NINJ2: variants seen among roughly 807,000 people sequenced by gnomAD.
NINJ2 encodes ninjurin-2.
A neutral mutation model predicts 11.7 loss-of-function variants in NINJ2; 12 were observed. The observed-to-expected ratio is 1.02, with a 90% confidence interval of 0.66 to 1.66. The LOEUF (loss-of-function observed/expected upper bound fraction) is 1.66. Ranked by LOEUF, NINJ2 falls within the 40% of genes most tolerant of loss-of-function variation. The pLI is 0.00. For missense variants in NINJ2, 187 were observed against 181.8 expected (o/e 1.03, Z -0.16); for synonymous variants, 93 against 76.8 (o/e 1.21, Z -1.10).
At chr12:569,122 G>T (rs953518107) in intron 1 of NINJ2, among the ~76,000 whole-genome samples, 1 of 152,236 alleles carries the variant, frequency 6.6e-6, no homozygotes, top group Non-Finnish European at 1.5e-5. Context: ...GGAGGAGGTA[G>T]GGATGGAGGG....
intron 1 of NINJ2, among the ~76,000 whole-genome samples, chr12:575,712 T>C (rs1280952857): frequency 1.3e-5 from 2 of 152,184 alleles, no homozygotes; most frequent in Non-Finnish European, 2.9e-5. Flanking sequence ...CAATGAATGA[T>C]GATCGCATTG....
chr12:610,608 AG>A, intron 1 of NINJ2: 1 of 984,872 alleles, frequency 1.0e-6, no homozygotes, highest in Non-Finnish European at 1.2e-6. Flanking sequence ...CAGCCACAGG[AG>A]GGGGTTACCA....
chr12:623,950 C>T lies in NINJ2; in HGVS notation c.33+39378G>A, dbSNP rs570855899. Among the ~76,000 whole-genome samples, 102 of 152,276 alleles carry T rather than the reference C, an allele frequency of 6.7e-4. 3 individuals carry two copies. The South Asian group carries it at 0.021, about 31-fold the overall frequency. On this transcript the variant is annotated intron_variant, in intron 1 of 3. Coordinates refer to ENST00000305108, the MANE Select transcript of NINJ2 (RefSeq NM_016533.6). Reference sequence around the variant, plus strand: ...GCTCAGAAGGCAGAGGTAGGAGGATCGCTTGAGCTCAGGAGGTCAAGGCTG... The same window carrying T: ...GCTCAGAAGGCAGAGGTAGGAGGATTGCTTGAGCTCAGGAGGTCAAGGCTG...
chr12:608,263 A>C (rs1318019470), intron 1 of NINJ2, among the ~76,000 whole-genome samples: 1 of 152,168 alleles, frequency 6.6e-6, no homozygotes. Flanking sequence ...CAGCAACAAC[A>C]AACTCTACCA....
At chr12:577,416 C>CATATATATATATATATATATATGT (rs536829310) in intron 1 of NINJ2, among the ~76,000 whole-genome samples, 1 of 121,238 alleles carries the variant, frequency 8.2e-6, no homozygotes, top group African/African-American at 3.1e-5. Context: ...ACACTAGTCT[C>CATATATATATATATATATATATGT]ATATATATAT....
intron 1 of NINJ2, among the ~76,000 whole-genome samples, chr12:567,486 G>C (rs932736672): frequency 2.0e-5 from 3 of 152,156 alleles, no homozygotes; most frequent in Non-Finnish European, 2.9e-5. Context: ...TGGATGAAGG[G>C]ATGGATGGAT....
chr12:629,156 G>A (rs1393070229), intron 1 of NINJ2, among the ~76,000 whole-genome samples: 1 of 152,100 alleles, frequency 6.6e-6, no homozygotes, highest in Non-Finnish European at 1.5e-5. Flanking sequence ...GGTCTGGATC[G>A]GGACCCCTTT....
intron 1 of NINJ2, among the ~76,000 whole-genome samples, chr12:594,139 A>G (rs1829427422): frequency 6.6e-6 from 1 of 152,232 alleles, no homozygotes; most frequent in Non-Finnish European, 1.5e-5. Context: ...GAAAGAAACA[A>G]GATTGCCTTT....
chr12:649,531 G>GTATGTATATATATA (rs1555167491), intron 1 of NINJ2, among the ~76,000 whole-genome samples: 2 of 127,696 alleles, frequency 1.6e-5, no homozygotes, highest in East Asian at 5.1e-4. Flanking sequence ...GTGTATATGT[G>GTATGTATATATATA]TATATATATA....
At chr12:610,287 C>T in intron 1 of NINJ2, 1 of 1,417,458 alleles carries the variant, frequency 7.1e-7, no homozygotes, top group Non-Finnish European at 9.6e-7. Context: ...TGCCCAGTCC[C>T]CAGTGCCCAG....
At chr12:597,629 G>T (rs1364285404) in intron 1 of NINJ2, among the ~76,000 whole-genome samples, 1 of 152,392 alleles carries the variant, frequency 6.6e-6, no homozygotes, top group East Asian at 1.9e-4. Context: ...AAGTCTCGAA[G>T]ACATTGCGTC....
intron 2 of NINJ2, chr12:565,613 G>A: frequency 1.6e-6 from 1 of 617,546 alleles, no homozygotes; most frequent in African/African-American, 1.8e-5. Flanking sequence ...ACCAGGATTT[G>A]GGAACTTAAG....
chr12:647,555 G>C (rs12310271), intron 1 of NINJ2, among the ~76,000 whole-genome samples: 2,047 of 152,242 alleles, frequency 0.013, 47 homozygotes, highest in African/African-American at 0.047. Flanking sequence ...GCTCCAACCT[G>C]GGCCCCTTGA....
rs933699907 is a variant in NINJ2 at position 581,677 on chromosome 12, A to C, written c.34-15499T>G. 5.3e-5 allele frequency among the ~76,000 whole-genome samples: 8 copies of C among 152,130 alleles called. No homozygotes were observed. Among genetic ancestry groups the C allele is most frequent in the Non-Finnish European group, 8.8e-5 (6 of 68,014 alleles). On this transcript the variant is annotated intron_variant, in intron 1 of 3. Transcript: ENST00000305108. The surrounding 1 kb of genome is among the most constrained non-coding windows in gnomAD (Gnocchi z 4.9). ...GAAGGTAAGCAGGGGAGGGCCGGCAAGTGGGTGCAGGGATCTGATCCCACT... is the reference window on the plus strand; with the variant it reads ...GAAGGTAAGCAGGGGAGGGCCGGCACGTGGGTGCAGGGATCTGATCCCACT...
At chr12:590,031 C>T (rs1322659550) in intron 1 of NINJ2, among the ~76,000 whole-genome samples, 2 of 152,128 alleles carry the variant, frequency 1.3e-5, no homozygotes, top group Non-Finnish European at 2.9e-5. Flanking sequence ...TAGGCTTTGT[C>T]CTGAGGGCAG....
At chr12:571,269 G>A (rs116588658) in intron 1 of NINJ2, among the ~76,000 whole-genome samples, 2 of 152,384 alleles carry the variant, frequency 1.3e-5, no homozygotes, top group South Asian at 2.1e-4. Context: ...GGGAAGGTGG[G>A]AGTAGATCCA....
At chr12:641,211 G>C (rs1044158787) in intron 1 of NINJ2, among the ~76,000 whole-genome samples, 4 of 152,142 alleles carry the variant, frequency 2.6e-5, no homozygotes, top group Non-Finnish European at 5.9e-5. Context: ...CAAAACTACC[G>C]CTTCTCCCTT....
chr12:602,749 A>C (rs1947888527), intron 1 of NINJ2, among the ~76,000 whole-genome samples: 1 of 152,176 alleles, frequency 6.6e-6, no homozygotes, highest in African/African-American at 2.4e-5. Context: ...GTTTCTCCTC[A>C]TCCTTACCAA....
At chr12:657,270 C>G (rs191934069) in intron 1 of NINJ2, among the ~76,000 whole-genome samples, 5 of 152,232 alleles carry the variant, frequency 3.3e-5, no homozygotes, top group Admixed American at 3.3e-4. Context: ...TTATCCAAAA[C>G]AGACAAAGAA....
Sources: gnomAD v4.1 joint callset for allele counts (sites outside exome capture counted in the v4.1 genomes callset) on GRCh38, gnomAD v4.1.1 for gene constraint, Gnocchi (gnomAD v3.1) non-coding constraint, MANE v1.5 for transcripts, NCBI Gene and HGNC (gene_info 2026-07-23, HGNC 2026-07-21) for gene names.